The following SLC8A2 variants were observed in gnomAD, a reference collection of about 807,000 sequenced individuals.
SLC8A2 encodes sodium/calcium exchanger 2.
A neutral mutation model predicts 70.2 loss-of-function variants in SLC8A2; 14 were observed. The ratio of observed to expected loss-of-function variants is 0.20; its 90% CI spans 0.13 to 0.31. The LOEUF (loss-of-function observed/expected upper bound fraction) is 0.31, where lower values mean the gene tolerates loss of function less well. Among genes scored for constraint, SLC8A2 ranks in the 10% least tolerant of loss-of-function variants. The probability of loss-of-function intolerance (pLI) is 1.00; values close to 1 mark genes in which losing one functional copy is unlikely to be tolerated. For synonymous variants in SLC8A2, 575 were observed against 594.3 expected, an observed-to-expected ratio of 0.97 and a Z score of 0.47; for missense variants, 779 against 1,320.1, an observed-to-expected ratio of 0.59 and a Z score of 6.35.
chr19:47,431,156 G>A (rs188294915), intron 9 of SLC8A2, among the ~76,000 whole-genome samples: 1 of 151,916 alleles, frequency 6.6e-6, no homozygotes, highest in African/African-American at 2.4e-5. Flanking sequence ...AGCCTCCCGA[G>A]CAGCTGGGAT....
At chr19:47,449,539 G>C (rs1172064458) in intron 3 of SLC8A2, among the ~76,000 whole-genome samples, 4 of 152,120 alleles carry the variant, frequency 2.6e-5, no homozygotes, top group Non-Finnish European at 5.9e-5. Flanking sequence ...GGCCAGGCCG[G>C]TCTCGAACTC....
chr19:47,471,306 T>TA (rs1175781521), intron 1 of SLC8A2, among the ~76,000 whole-genome samples: 2 of 150,202 alleles, frequency 1.3e-5, no homozygotes, highest in African/African-American at 4.9e-5. Flanking sequence ...ACCCAGGACT[T>TA]AGAGACAGAG....
chr19:47,462,476 C>T (rs1967407496), intron 2 of SLC8A2, among the ~76,000 whole-genome samples: 1 of 152,066 alleles, frequency 6.6e-6, no homozygotes, highest in South Asian at 2.1e-4. Context: ...GTTGGTCAGG[C>T]TGGTCTTGAA....
chr19:47,470,348 TAC>T (rs71180846), intron 1 of SLC8A2, among the ~76,000 whole-genome samples: 10,702 of 139,130 alleles, frequency 0.077, 465 homozygotes, highest in African/African-American at 0.12. Flanking sequence ...GGAGACATCA[TAC>T]ACACACACAC....
chr19:47,449,869 G>C (rs542363373), intron 3 of SLC8A2, among the ~76,000 whole-genome samples: 4 of 152,272 alleles, frequency 2.6e-5, no homozygotes, highest in East Asian at 1.9e-4. Flanking sequence ...TTTACCCTGA[G>C]TGAGGAAGGA....
At chr19:47,441,525 C>A in intron 4 of SLC8A2, 85 bp from the exon 5 acceptor site, 1 of 753,022 alleles carries the variant, frequency 1.3e-6, no homozygotes, top group Non-Finnish European at 2.3e-6. Flanking sequence ...GGCAGCCACC[C>A]AGTTTTCCAA....
chr19:47,460,665 C>G, intron 2 of SLC8A2, among the ~76,000 whole-genome samples: 1 of 151,392 alleles, frequency 6.6e-6, no homozygotes, highest in Admixed American at 6.6e-5. Flanking sequence ...CCACTGCACT[C>G]CAGCCTGGGT....
At chr19:47,454,427 G>A (rs1967279240) in intron 3 of SLC8A2, among the ~76,000 whole-genome samples, 1 of 152,202 alleles carries the variant, frequency 6.6e-6, no homozygotes, top group Non-Finnish European at 1.5e-5. Flanking sequence ...ATGCTGCAGG[G>A]TGATGGAACA....
intron 4 of SLC8A2, among the ~76,000 whole-genome samples, chr19:47,443,424 C>T (rs1158624768): frequency 2.0e-5 from 3 of 152,188 alleles, no homozygotes; most frequent in Non-Finnish European, 2.9e-5. Context: ...CTGTAGGAAC[C>T]ATGTAGTCCC....
intron 4 of SLC8A2, among the ~76,000 whole-genome samples, chr19:47,446,165 G>A (rs1967159472): frequency 6.6e-6 from 1 of 152,112 alleles, no homozygotes; most frequent in Non-Finnish European, 1.5e-5. Context: ...GAGGGGGAGC[G>A]CGGTGGGGAC....
Position 47,465,317 on chromosome 19 carries a change from G to T in SLC8A2, c.675+412C>A, listed in dbSNP as rs1967443614. Among the ~76,000 whole-genome samples, 1 of 152,104 alleles carries T rather than the reference G, an allele frequency of 6.6e-6. No homozygotes were observed. The highest frequency in any genetic ancestry group is 1.5e-5 in the Non-Finnish European group (1 of 67,998). On this transcript the variant is annotated intron_variant, in intron 2 of 9. Coordinates refer to ENST00000236877, the MANE Select transcript of SLC8A2 (RefSeq NM_015063.3). The surrounding 1 kb of genome is among the most constrained non-coding windows in gnomAD (Gnocchi z 5.5). ...AAAGCGGGAATCAGTTATGCAAAAG[G>T]TAGGGAGTGTAGGAAAACATGTGAA...
chr19:47,455,301 T>C lies in SLC8A2; in HGVS notation c.1340+1629A>G, dbSNP rs935679628. On this transcript the variant is annotated intron_variant, in intron 3 of 9. Coordinates refer to ENST00000236877, the MANE Select transcript of SLC8A2 (RefSeq NM_015063.3). Reference sequence around the variant, plus strand: ...CCCCAGGGAGAAGATTAAAGGGGGATGTGTCAGGCTACTGAGCAGGTAGAA... The same window carrying C: ...CCCCAGGGAGAAGATTAAAGGGGGACGTGTCAGGCTACTGAGCAGGTAGAA... Among the ~76,000 whole-genome samples the C allele has an allele frequency of 2.0e-5, 3 of 152,254 alleles. No homozygotes were observed. The East Asian group carries it at 5.8e-4, about 29-fold the overall frequency.
At position 47,437,310 on chromosome 19, in the gene SLC8A2, G is replaced by T. The variant is rs184051908; in HGVS notation, c.2110+152C>A. The stretch of plus-strand genomic sequence containing the variant: ...ACTCCTGGCCTCAAGCAATCCTCCC[G>T]CCTCACCCTCCCAAAGCGCCAGGAT... On this transcript the variant is annotated intron_variant, in intron 8 of 9. Transcript: ENST00000236877. 1.3e-5 allele frequency: 8 copies of T among 627,914 alleles called. No individual in the cohort carries two copies. In the Admixed American group the frequency reaches 1.5e-4, roughly 12 times the overall value. 38.9% of individuals were successfully genotyped at this position (627,914 alleles called of 1,614,324 possible). A position where few individuals can be genotyped will look rare whatever the true frequency, so the allele number is the denominator to read the frequency against.
chr19:47,442,432 T>C (rs1384901973), intron 4 of SLC8A2, among the ~76,000 whole-genome samples: 1 of 152,200 alleles, frequency 6.6e-6, no homozygotes, highest in Non-Finnish European at 1.5e-5. Flanking sequence ...CCCCCTGCAA[T>C]CTAGCACTCA....
chr19:47,447,880 G>T lies in SLC8A2; in HGVS notation c.1692C>A (p.Gly564=). ...TVRLPYRTVD[G]TARGGGVHYE... Reference sequence around the variant, plus strand: ...AGTGCACGCCGCCGCCGCGCGCCGTGCCGTCCACCGTGCGGTAGGGAAGGC... The same window carrying T: ...AGTGCACGCCGCCGCCGCGCGCCGTTCCGTCCACCGTGCGGTAGGGAAGGC... Residue 564 remains glycine, a synonymous_variant, in exon 4 of 10, where the codon GGC becomes GGA. Coordinates refer to ENST00000236877, the MANE Select transcript of SLC8A2 (RefSeq NM_015063.3). The surrounding 1 kb of genome is among the most constrained non-coding windows in gnomAD (Gnocchi z 5.1). 6.3e-7 allele frequency: 1 copy of T among 1,592,932 alleles called. No individual in the cohort carries two copies. Among genetic ancestry groups the T allele is most frequent in the Non-Finnish European group, 8.5e-7 (1 of 1,173,322 alleles).
chr19:47,459,634 CGTGTGTCCATCTGTGT>C (rs1005282984), intron 2 of SLC8A2, among the ~76,000 whole-genome samples: 11 of 150,072 alleles, frequency 7.3e-5, no homozygotes, highest in Non-Finnish European at 1.5e-4. Flanking sequence ...TGTGTATGTG[CGTGTGTCCATCTGTGT>C]GTGTGTCCTT....
rs10611886 is a variant in SLC8A2 at position 47,466,587 on chromosome 19, CAGAGAG to C, written c.-16-174_-16-169del. ...ACAGAGAGTGACAGACAGAGACCCA[CAGAGAG>C]AGAGAGAGACTGAAAGATAAGGACA... On this transcript the variant is annotated intron_variant, in intron 1 of 9. Transcript: ENST00000236877. This position sits in a 1 kb window ranked among gnomAD's most constrained non-coding sequence, Gnocchi z 6.9. Among the ~76,000 whole-genome samples, 1 of 151,002 alleles carries C rather than the reference CAGAGAG, an allele frequency of 6.6e-6. No individual in the cohort carries two copies. Among genetic ancestry groups the C allele is most frequent in the Non-Finnish European group, 1.5e-5 (1 of 67,704 alleles).
At chr19:47,440,483 G>A (rs1040308846) in intron 6 of SLC8A2, among the ~76,000 whole-genome samples, 1 of 152,142 alleles carries the variant, frequency 6.6e-6, no homozygotes, top group Admixed American at 6.5e-5. Flanking sequence ...CTGGAGTGCA[G>A]TGGCACCATC....
At chr19:47,457,746 T>TTTTC (rs369580416) in intron 2 of SLC8A2, 152 bp from the exon 3 acceptor site, 164 of 379,830 alleles carry the variant, frequency 4.3e-4, no homozygotes, top group African/African-American at 1.3e-3. Context: ...TTTCTGTTTC[T>TTTTC]TTTCTTTCTT....
Sources: allele counts gnomAD v4.1 joint callset (sites outside exome capture counted in the v4.1 genomes callset), GRCh38; gene constraint gnomAD v4.1.1; non-coding constraint Gnocchi (gnomAD v3.1); transcripts MANE v1.5; gene names NCBI Gene and HGNC (gene_info 2026-07-23, HGNC 2026-07-21).